Variants in TAFA4 observed in about 807,000 individuals in gnomAD.
TAFA4 encodes the protein chemokine-like protein TAFA-4.
TAFA4 carries 20 observed loss-of-function variants against 21.1 expected under a neutral mutation model. The ratio of observed to expected loss-of-function variants is 0.95; its 90% confidence interval spans 0.67 to 1.38. The LOEUF (loss-of-function observed/expected upper bound fraction) is 1.38, where lower values mean the gene tolerates loss of function less well. TAFA4 is among the 40% of genes most tolerant of loss of function. The pLI, the probability that TAFA4 is intolerant of heterozygous loss-of-function variation, is 0.00. For missense variants in TAFA4, 211 were observed against 180.9 expected, an observed-to-expected ratio of 1.17 and a Z score of -0.95; for synonymous variants, 71 against 67.4, an observed-to-expected ratio of 1.05 and a Z score of -0.26.
intron 1 of TAFA4, among the ~76,000 whole-genome samples, chr3:68,920,564 C>T (rs2090049178): frequency 6.6e-6 from 1 of 150,944 alleles, no homozygotes; most frequent in Admixed American, 6.6e-5. Context: ...AGCCCAAACT[C>T]TTCATAGTAT....
chr3:68,784,803 G>A (rs1056241640), intron 3 of TAFA4, among the ~76,000 whole-genome samples: 7 of 152,294 alleles, frequency 4.6e-5, no homozygotes, highest in South Asian at 2.1e-4. Context: ...TTGACAGGGC[G>A]CTGATTGGTG....
At chr3:68,784,592 G>A (rs532155400) in intron 3 of TAFA4, among the ~76,000 whole-genome samples, 1 of 152,292 alleles carries the variant, frequency 6.6e-6, no homozygotes, top group Non-Finnish European at 1.5e-5. Flanking sequence ...CCTTTGCGGT[G>A]AGTGTTACAG....
chr3:68,927,899 AAAAAAAG>A (rs958791010), intron 1 of TAFA4, among the ~76,000 whole-genome samples: 4 of 152,280 alleles, frequency 2.6e-5, no homozygotes, highest in African/African-American at 7.2e-5. Context: ...ATCTCAAAAA[AAAAAAAG>A]AAAAAAGAAA....
At chr3:68,836,576 T>C (rs1704527626) in intron 3 of TAFA4, among the ~76,000 whole-genome samples, 1 of 152,218 alleles carries the variant, frequency 6.6e-6, no homozygotes, top group Non-Finnish European at 1.5e-5. Context: ...TAACCATTCA[T>C]TCAATATATG....
chr3:68,889,925 G>C (rs9856443), intron 1 of TAFA4, among the ~76,000 whole-genome samples: 41,610 of 151,924 alleles, frequency 0.27, 6,929 homozygotes, highest in Middle Eastern at 0.4. Flanking sequence ...ACAAAAACAA[G>C]GACACATATA....
chr3:68,769,606 G>A (rs1387221594), intron 3 of TAFA4, among the ~76,000 whole-genome samples: 2 of 152,262 alleles, frequency 1.3e-5, no homozygotes, highest in African/African-American at 2.4e-5. Flanking sequence ...AATGCATGAG[G>A]TGGTGGATAC....
intron 3 of TAFA4, among the ~76,000 whole-genome samples, chr3:68,774,424 C>A (rs1177834178): frequency 1.3e-5 from 2 of 152,188 alleles, no homozygotes; most frequent in African/African-American, 4.8e-5. Flanking sequence ...AGAGGCACTG[C>A]TTGTGGAAAG....
At chr3:68,799,177 A>G (rs1443006956) in intron 3 of TAFA4, among the ~76,000 whole-genome samples, 2 of 152,180 alleles carry the variant, frequency 1.3e-5, no homozygotes, top group Non-Finnish European at 2.9e-5. Context: ...CTGGTATCTT[A>G]GTCCATTCAG....
At chr3:68,821,013 C>T (rs1240058821) in intron 3 of TAFA4, among the ~76,000 whole-genome samples, 1 of 152,112 alleles carries the variant, frequency 6.6e-6, no homozygotes, top group African/African-American at 2.4e-5. Context: ...GTACAAATAC[C>T]CACGGACTTA....
Position 68,732,995 on chromosome 3 carries a change from G to C in TAFA4, c.*147C>G. On this transcript the variant is annotated 3_prime_UTR_variant, in exon 6 of 6. Coordinates refer to ENST00000295569, the MANE Select transcript of TAFA4 (RefSeq NM_182522.5). ...GCAGAGAGGGCTGGGCCAGTTAAGT[G>C]AATGCCACCTCTCACAGCTCACATA... 2 of 1,001,004 alleles carry C rather than the reference G, an allele frequency of 2.0e-6. No individual in the cohort carries two copies. Among genetic ancestry groups the C allele is most frequent in the Non-Finnish European group, 1.5e-6 (1 of 681,196 alleles). The allele number at this position is 1,001,004 out of a possible 1,614,324, so 62.0% of individuals were successfully genotyped here. A position where few individuals can be genotyped will look rare whatever the true frequency, so the allele number is the denominator to read the frequency against.
At chr3:68,817,321 T>G (rs1000984951) in intron 3 of TAFA4, among the ~76,000 whole-genome samples, 4 of 152,200 alleles carry the variant, frequency 2.6e-5, no homozygotes, top group African/African-American at 7.2e-5. Context: ...ATCTTCAGAC[T>G]CTACTTCTAA....
chr3:68,760,942 G>C (rs1377946090), intron 3 of TAFA4, among the ~76,000 whole-genome samples: 1 of 152,200 alleles, frequency 6.6e-6, no homozygotes, highest in Non-Finnish European at 1.5e-5. Flanking sequence ...GGTGAGGATA[G>C]GACAGTAGAA....
At chr3:68,760,634 C>A (rs944532379) in intron 3 of TAFA4, among the ~76,000 whole-genome samples, 2 of 152,160 alleles carry the variant, frequency 1.3e-5, no homozygotes, top group Admixed American at 1.3e-4. Context: ...CAGCCTATCT[C>A]TCCACGGGAG....
At chr3:68,910,555 C>G (rs890809294) in intron 1 of TAFA4, among the ~76,000 whole-genome samples, 2 of 152,178 alleles carry the variant, frequency 1.3e-5, no homozygotes, top group Non-Finnish European at 2.9e-5. Flanking sequence ...CAGAGATATA[C>G]TTAAGAATTC....
chr3:68,846,927 C>A lies in TAFA4; in HGVS notation c.130+33803G>T, dbSNP rs1559541684. On this transcript the variant is annotated intron_variant, in intron 3 of 5. Coordinates refer to ENST00000295569, the MANE Select transcript of TAFA4 (RefSeq NM_182522.5). The stretch of plus-strand genomic sequence containing the variant: ...AGAGGGGCACTCACCAGATGCCAGC[C>A]GCTCTCCTGCATGAGATGTCTGTCG... 8.6e-5 allele frequency among the ~76,000 whole-genome samples: 13 copies of A among 151,388 alleles called. No individual in the cohort carries two copies. In the South Asian group the frequency reaches 1.0e-3, roughly 12 times the overall value.
At chr3:68,799,596 C>G (rs1462228438) in intron 3 of TAFA4, among the ~76,000 whole-genome samples, 1 of 152,128 alleles carries the variant, frequency 6.6e-6, no homozygotes, top group Admixed American at 6.6e-5. Flanking sequence ...CACGTGGTCC[C>G]AATTTAATCC....
intron 3 of TAFA4, among the ~76,000 whole-genome samples, chr3:68,789,114 C>A (rs2106809822): frequency 6.6e-6 from 1 of 151,978 alleles, no homozygotes; most frequent in African/African-American, 2.4e-5. Context: ...GTGCCTAGTC[C>A]CAGCTACTAG....
chr3:68,742,037 G>A (rs914652606), intron 4 of TAFA4, among the ~76,000 whole-genome samples: 9 of 152,202 alleles, frequency 5.9e-5, no homozygotes, highest in African/African-American at 2.2e-4. Flanking sequence ...ATGATTAAAT[G>A]GGATTTATCC....
chr3:68,811,544 C>T (rs546410013), intron 3 of TAFA4, among the ~76,000 whole-genome samples: 3 of 151,814 alleles, frequency 2.0e-5, no homozygotes, highest in African/African-American at 7.3e-5. Context: ...CCTTAGTAGC[C>T]AATTCAATCA....
Sources: allele counts gnomAD v4.1 joint callset (sites outside exome capture counted in the v4.1 genomes callset), GRCh38; gene constraint gnomAD v4.1.1; transcripts MANE v1.5; gene names NCBI Gene and HGNC (gene_info 2026-07-23, HGNC 2026-07-21).